CTTNBP2: variants seen among roughly 807,000 people sequenced by gnomAD.
CTTNBP2 encodes the protein cortactin-binding protein 2.
CTTNBP2 carries 108 observed loss-of-function variants against 156.9 expected under a neutral mutation model. The observed-to-expected ratio is 0.69, with a 90% CI of 0.59 to 0.81. The LOEUF (loss-of-function observed/expected upper bound fraction) is 0.81. CTTNBP2 is among the 30% of genes least tolerant of loss of function. The pLI, the probability that CTTNBP2 is intolerant of heterozygous loss-of-function variation, is 0.00. For synonymous variants in CTTNBP2, 767 were observed against 751.8 expected, an observed-to-expected ratio of 1.02 and a Z score of -0.33; for missense variants, 1,924 against 2,035.4, an observed-to-expected ratio of 0.95 and a Z score of 1.05.
intron 21 of CTTNBP2, among the ~76,000 whole-genome samples, chr7:117,718,715 G>T (rs1289083624): frequency 1.3e-5 from 2 of 152,140 alleles, no homozygotes; most frequent in African/African-American, 4.8e-5. Context: ...ACAGCTTAGA[G>T]ATTATGATGA....
chr7:117,752,736 GA>G (rs1320968837), intron 12 of CTTNBP2, among the ~76,000 whole-genome samples: 2 of 152,174 alleles, frequency 1.3e-5, no homozygotes, highest in Non-Finnish European at 2.9e-5. Context: ...TTACATGCAT[GA>G]GTAGGCAGAA....
intron 2 of CTTNBP2, among the ~76,000 whole-genome samples, chr7:117,844,421 A>G (rs569726717): frequency 1.3e-5 from 2 of 152,318 alleles, no homozygotes; most frequent in South Asian, 4.1e-4. Flanking sequence ...CAAGATGTAC[A>G]GAGAGACAGG....
chr7:117,728,374 G>T, intron 16 of CTTNBP2, 107 bp from the exon 17 acceptor site: 1 of 809,378 alleles, frequency 1.2e-6, no homozygotes. Flanking sequence ...AAAAGTAGCT[G>T]AATCTTATTT....
chr7:117,780,308 C>T (rs1798345722), intron 7 of CTTNBP2, 133 bp downstream of exon 7: 1 of 567,774 alleles, frequency 1.8e-6, no homozygotes, highest in African/African-American at 2.0e-5. Flanking sequence ...AAGGGTCAGA[C>T]ACTTTCCAAA....
At position 117,791,758 on chromosome 7, in the gene CTTNBP2, C is replaced by T. The variant is rs1490055732; in HGVS notation, c.1438G>A (p.Asp480Asn). The T allele has an allele frequency of 1.9e-6, 3 of 1,614,054 alleles. No individual in the cohort carries two copies. In the African/African-American group the frequency reaches 4.0e-5, roughly 22 times the overall value. Reference sequence around the variant, plus strand: ...GCTAGTTGTTTGGCCACTAGGTTGTCACGACTTGTAGGCGAGACATCTCTT... The same window carrying T: ...GCTAGTTGTTTGGCCACTAGGTTGTTACGACTTGTAGGCGAGACATCTCTT... ...PSRDVSPTSR[D>N]NLVAKQLARN... is the part of the protein sequence containing the mutation. The change falls in exon 4 of 23, where the codon GAC becomes AAC. Residue 480 changes from aspartate to asparagine, a missense_variant. By Grantham distance (23) the Asp-to-Asn change is conservative. Coordinates refer to ENST00000160373, the MANE Select transcript of CTTNBP2 (RefSeq NM_033427.3).
intron 14 of CTTNBP2, among the ~76,000 whole-genome samples, chr7:117,739,025 C>A (rs1795854207): frequency 6.6e-6 from 1 of 152,154 alleles, no homozygotes; most frequent in African/African-American, 2.4e-5. Flanking sequence ...AAGTAGCAAT[C>A]AAGGGTCAAA....
intron 2 of CTTNBP2, among the ~76,000 whole-genome samples, chr7:117,848,723 G>A (rs891917296): frequency 1.3e-5 from 2 of 152,132 alleles, no homozygotes; most frequent in African/African-American, 4.8e-5. Flanking sequence ...TATGTACTGG[G>A]ACTCAAGTAA....
chr7:117,779,794 C>A (rs1798307282), intron 7 of CTTNBP2, among the ~76,000 whole-genome samples: 1 of 151,738 alleles, frequency 6.6e-6, no homozygotes, highest in Admixed American at 6.6e-5. Flanking sequence ...GAGTTTTGCT[C>A]TTTTCTCCCA....
At chr7:117,850,618 G>T (rs1288962357) in intron 2 of CTTNBP2, among the ~76,000 whole-genome samples, 1 of 152,030 alleles carries the variant, frequency 6.6e-6, no homozygotes, top group Admixed American at 6.6e-5. Context: ...CCAAACAAGA[G>T]AAACATGGTT....
At chr7:117,821,531 A>T (rs560751931) in intron 2 of CTTNBP2, among the ~76,000 whole-genome samples, 4 of 151,832 alleles carry the variant, frequency 2.6e-5, no homozygotes, top group Admixed American at 6.6e-5. Flanking sequence ...TTTGAATATT[A>T]AACTCTTTGA....
chr7:117,760,867 G>T (rs777407937), intron 9 of CTTNBP2, among the ~76,000 whole-genome samples, 157 bp from the exon 10 acceptor site: 6 of 152,028 alleles, frequency 3.9e-5, no homozygotes, highest in Non-Finnish European at 7.4e-5. Flanking sequence ...TCTTACACTG[G>T]AGTAAACTTT....
At chr7:117,746,763 T>A (rs1796355339) in intron 12 of CTTNBP2, among the ~76,000 whole-genome samples, 1 of 152,194 alleles carries the variant, frequency 6.6e-6, no homozygotes, top group South Asian at 2.1e-4. Flanking sequence ...TATATATTAT[T>A]CCATTCTGGA....
At chr7:117,769,699 A>C (rs1797704112) in intron 8 of CTTNBP2, among the ~76,000 whole-genome samples, 1 of 152,262 alleles carries the variant, frequency 6.6e-6, no homozygotes, top group Non-Finnish European at 1.5e-5. Flanking sequence ...CAGTAAATGA[A>C]TAAGATAATG....
intron 6 of CTTNBP2, among the ~76,000 whole-genome samples, chr7:117,782,655 C>G (rs568492894): frequency 6.6e-6 from 1 of 152,304 alleles, no homozygotes; most frequent in Non-Finnish European, 1.5e-5. Flanking sequence ...GCCCAGTTCT[C>G]TTCTTCACTT....
intron 1 of CTTNBP2, among the ~76,000 whole-genome samples, chr7:117,871,354 C>A (rs1804584962): frequency 6.6e-6 from 1 of 152,176 alleles, no homozygotes; most frequent in Non-Finnish European, 1.5e-5. Flanking sequence ...CTACAAAAGC[C>A]ATCATCAAAA....
chr7:117,735,153 C>G, intron 15 of CTTNBP2, 53 bp from the exon 16 acceptor site: 1 of 1,590,766 alleles, frequency 6.3e-7, no homozygotes, highest in Non-Finnish European at 8.6e-7. Context: ...TGTTATGGGA[C>G]AGATTCAAAT....
At chr7:117,732,605 A>C (rs942744754) in intron 16 of CTTNBP2, among the ~76,000 whole-genome samples, 4 of 144,924 alleles carry the variant, frequency 2.8e-5, no homozygotes, top group African/African-American at 1.0e-4. Flanking sequence ...AGCCGAGATC[A>C]CGCCACTGCA....
intron 2 of CTTNBP2, among the ~76,000 whole-genome samples, chr7:117,828,279 C>T (rs1801410246): frequency 1.3e-5 from 2 of 152,156 alleles, no homozygotes; most frequent in African/African-American, 4.8e-5. Context: ...ATGGGGCAGA[C>T]TAGAAAGCAA....
At chr7:117,736,862 G>A (rs1036933042) in intron 14 of CTTNBP2, among the ~76,000 whole-genome samples, 1 of 152,108 alleles carries the variant, frequency 6.6e-6, no homozygotes, top group Non-Finnish European at 1.5e-5. Context: ...AATTAACCTT[G>A]AAAAGAAACC....
Sources: allele counts gnomAD v4.1 joint callset (sites outside exome capture counted in the v4.1 genomes callset), GRCh38; gene constraint gnomAD v4.1.1; transcripts MANE v1.5; gene names NCBI Gene and HGNC (gene_info 2026-07-23, HGNC 2026-07-21).